SLMAP: variants seen among roughly 807,000 people sequenced by gnomAD.
SLMAP encodes the protein sarcolemma associated protein.
SLMAP carries 44 observed loss-of-function variants against 128.8 expected under a neutral mutation model. The observed-to-expected ratio is 0.34, with a 90% CI of 0.27 to 0.44. The LOEUF is 0.44. Ranked by LOEUF, SLMAP falls within the 20% of genes least tolerant of loss-of-function variation. The probability of loss-of-function intolerance (pLI) is 1.00; values close to 1 mark genes in which losing one functional copy is unlikely to be tolerated. For synonymous variants in SLMAP, 327 were observed against 348.8 expected (o/e 0.94, Z 0.70); for missense variants, 787 against 985.3 (o/e 0.80, Z 2.69).
intron 2 of SLMAP, among the ~76,000 whole-genome samples, chr3:57,784,907 T>G (rs1408929628): frequency 6.6e-6 from 1 of 152,098 alleles, no homozygotes; most frequent in Non-Finnish European, 1.5e-5. Flanking sequence ...TCTCTTGTGC[T>G]CTCTTACCCT....
chr3:57,757,292 G>A lies in SLMAP; in HGVS notation c.-360G>A. ...TCAAACCAAACACAAGAATTGGCGTGTGACTCATCTGCTTGGATACCTCCA... is the reference window on the plus strand; with the variant it reads ...TCAAACCAAACACAAGAATTGGCGTATGACTCATCTGCTTGGATACCTCCA... On this transcript the variant is annotated 5_prime_UTR_variant, in exon 2 of 25. The change creates a new upstream start codon in the 5' untranslated region. Coordinates refer to ENST00000671191, the MANE Select transcript of SLMAP (RefSeq NM_001377540.1). The A allele has an allele frequency of 3.0e-6, 1 of 330,354 alleles. No individual in the cohort carries two copies. The highest frequency in any genetic ancestry group is 4.6e-5 in the Admixed American group (1 of 21,870). 20.5% of individuals were successfully genotyped at this position (330,354 alleles called of 1,614,324 possible).
At chr3:57,786,731 A>ATTT (rs35138483) in intron 2 of SLMAP, among the ~76,000 whole-genome samples, 1 of 88,760 alleles carries the variant, frequency 1.1e-5, no homozygotes, top group African/African-American at 4.7e-5. Context: ...TAGTCTTTGT[A>ATTT]TTTTTTTTTT....
At chr3:57,854,271 A>T (rs2094661445) in intron 6 of SLMAP, among the ~76,000 whole-genome samples, 1 of 151,422 alleles carries the variant, frequency 6.6e-6, no homozygotes, top group Admixed American at 6.6e-5. Flanking sequence ...AAAATGCAAT[A>T]GGCTGTGCGA....
chr3:57,829,084 C>G (rs2093146551), intron 2 of SLMAP, among the ~76,000 whole-genome samples: 1 of 151,966 alleles, frequency 6.6e-6, no homozygotes. Flanking sequence ...TGTCTGGGCC[C>G]TGATGTAAAA....
chr3:57,816,266 C>G (rs1336463425), intron 2 of SLMAP, among the ~76,000 whole-genome samples: 1 of 152,054 alleles, frequency 6.6e-6, no homozygotes, highest in Non-Finnish European at 1.5e-5. Context: ...GCCTCAGCCC[C>G]CCAAGCAGCT....
intron 2 of SLMAP, among the ~76,000 whole-genome samples, chr3:57,772,449 CA>C (rs1262069052): frequency 1.3e-5 from 2 of 152,280 alleles, no homozygotes; most frequent in Non-Finnish European, 2.9e-5. Flanking sequence ...GAGTCACAGC[CA>C]AAATCGTGCC....
intron 14 of SLMAP, among the ~76,000 whole-genome samples, chr3:57,872,171 G>A (rs1381202335): frequency 2.6e-5 from 4 of 152,122 alleles, no homozygotes; most frequent in South Asian, 2.1e-4. Flanking sequence ...GCGTGGTGGC[G>A]CACGCCTATA....
At chr3:57,842,638 C>T (rs2093993278) in intron 4 of SLMAP, among the ~76,000 whole-genome samples, 1 of 152,032 alleles carries the variant, frequency 6.6e-6, no homozygotes, top group Non-Finnish European at 1.5e-5. Flanking sequence ...TTCTCAGGTT[C>T]CATCTAGTAG....
intron 2 of SLMAP, among the ~76,000 whole-genome samples, chr3:57,829,388 C>T (rs995120611): frequency 6.6e-6 from 1 of 151,876 alleles, no homozygotes; most frequent in African/African-American, 2.4e-5. Flanking sequence ...ATATAATCCC[C>T]TTATTTAACT....
At position 57,925,344 on chromosome 3, in the gene SLMAP, T is replaced by G. The variant is rs546147218; in HGVS notation, c.2446-501T>G. Among the ~76,000 whole-genome samples, 1,220 of 151,660 alleles carry G rather than the reference T, an allele frequency of 8.0e-3. 12 individuals carry two copies. The highest frequency in any genetic ancestry group is 0.019 in the South Asian group (92 of 4,796). On this transcript the variant is annotated intron_variant, in intron 23 of 24. Coordinates refer to ENST00000671191, the MANE Select transcript of SLMAP (RefSeq NM_001377540.1). ...CAGCTGTTTCTTTCTCTTTTTTTTT[T>G]TTTTTCAACGGAGTCTCTCTCTGTC...
At chr3:57,812,818 A>T (rs2091226500) in intron 2 of SLMAP, among the ~76,000 whole-genome samples, 1 of 151,034 alleles carries the variant, frequency 6.6e-6, no homozygotes, top group African/African-American at 2.4e-5. Context: ...ATTTTTTTAA[A>T]TTTTTCCTTT....
intron 2 of SLMAP, among the ~76,000 whole-genome samples, chr3:57,822,281 T>C (rs1208928193): frequency 6.6e-6 from 1 of 152,128 alleles, no homozygotes; most frequent in African/African-American, 2.4e-5. Flanking sequence ...AGTGTTTAAG[T>C]AGGGAAGAAA....
chr3:57,806,583 A>G (rs1179756727), intron 2 of SLMAP, among the ~76,000 whole-genome samples: 1 of 152,058 alleles, frequency 6.6e-6, no homozygotes, highest in African/African-American at 2.4e-5. Context: ...GATTATAGGC[A>G]TATGCCACCA....
intron 14 of SLMAP, among the ~76,000 whole-genome samples, chr3:57,879,812 G>C (rs372572186): frequency 6.6e-6 from 1 of 151,700 alleles, no homozygotes; most frequent in Non-Finnish European, 1.5e-5. Flanking sequence ...CATGTGTGGC[G>C]GGTGGCGGGC....
At chr3:57,849,221 A>G (rs2094417432) in intron 5 of SLMAP, among the ~76,000 whole-genome samples, 1 of 152,054 alleles carries the variant, frequency 6.6e-6, no homozygotes, top group Non-Finnish European at 1.5e-5. Flanking sequence ...TAATAATGCC[A>G]TGGTTCTATA....
intron 14 of SLMAP, among the ~76,000 whole-genome samples, chr3:57,888,126 AT>A (rs1560423904): frequency 6.6e-6 from 1 of 152,124 alleles, no homozygotes; most frequent in Non-Finnish European, 1.5e-5. Flanking sequence ...GGGATATATG[AT>A]GTGATAAATT....
intron 3 of SLMAP, among the ~76,000 whole-genome samples, chr3:57,838,617 T>A (rs115306651): frequency 1.0e-3 from 154 of 150,136 alleles, no homozygotes; most frequent in Non-Finnish European, 1.2e-3. Context: ...GCTTAATGTT[T>A]TAAGAAATAG....
rs73073957 is a variant in SLMAP at position 57,772,182 on chromosome 3, A to C, written c.198+14333A>C. On this transcript the variant is annotated intron_variant, in intron 2 of 24. Transcript: ENST00000671191. ...AAGGGGGACTTGAATTGGACCCTGA[A>C]GATTTAGGGTAGAGAATAACAGGTG... Among the ~76,000 whole-genome samples the C allele has an allele frequency of 8.7e-3, 1,325 of 152,298 alleles. 13 individuals are homozygous for C. The highest frequency in any genetic ancestry group is 0.051 in the South Asian group (248 of 4,824).
chr3:57,815,381 A>G, intron 2 of SLMAP, among the ~76,000 whole-genome samples: 1 of 152,098 alleles, frequency 6.6e-6, no homozygotes. Context: ...ATTTGTTATA[A>G]TTGGTTTTCT....
Sources: allele counts gnomAD v4.1 joint callset (sites outside exome capture counted in the v4.1 genomes callset), GRCh38; gene constraint gnomAD v4.1.1; transcripts MANE v1.5; gene names NCBI Gene and HGNC (gene_info 2026-07-23, HGNC 2026-07-21).